Variants in GAB4 observed in about 807,000 individuals in gnomAD.
GAB4 encodes the protein GRB2-associated-binding protein 4.
In GAB4, 26 loss-of-function variants were observed where a neutral mutation model predicts 51.3. That is an observed-to-expected ratio of 0.51 (90% CI 0.37 to 0.70). The LOEUF (loss-of-function observed/expected upper bound fraction) is 0.70. Ranked by LOEUF, GAB4 falls within the 30% of genes least tolerant of loss-of-function variation. The probability of loss-of-function intolerance (pLI) is 0.00; values close to 1 mark genes in which losing one functional copy is unlikely to be tolerated. For synonymous variants in GAB4, 329 were observed against 291.2 expected, an observed-to-expected ratio of 1.13 and a Z score of -1.32; for missense variants, 759 against 734.6, an observed-to-expected ratio of 1.03 and a Z score of -0.38.
chr22:16,991,123 T>C (rs1173744536), intron 2 of GAB4, among the ~76,000 whole-genome samples: 2 of 152,082 alleles, frequency 1.3e-5, no homozygotes, highest in African/African-American at 4.8e-5. Flanking sequence ...TTCAATTTTA[T>C]CCTCCCAAAA....
chr22:16,983,504 G>A (rs1332115106), intron 3 of GAB4, among the ~76,000 whole-genome samples: 1 of 152,024 alleles, frequency 6.6e-6, no homozygotes, highest in Non-Finnish European at 1.5e-5. Flanking sequence ...AAGCAACCCT[G>A]AGCAAAAAAG....
At chr22:16,980,994 T>C (rs1257719384) in intron 3 of GAB4, among the ~76,000 whole-genome samples, 4 of 151,590 alleles carry the variant, frequency 2.6e-5, no homozygotes, top group African/African-American at 9.7e-5. Context: ...ACATCACACA[T>C]CGGGGCCTGT....
In GAB4 at chr22:16,988,068, G is replaced by A. The variant is rs766747027; in HGVS notation, c.578C>T (p.Thr193Ile). Residue 193 changes from threonine to isoleucine, a missense_variant, in exon 3 of 10, where the codon ACA becomes ATA. Transcript: ENST00000400588. ...HQHLPQEQEPTSEPPVSHCVP... is the reference protein window; with the variant it reads ...HQHLPQEQEPISEPPVSHCVP... ...ACAGTGAGACACCGGGGGCTCAGAT[G>A]TGGGTTCTTGTTCTTGGGGGAGGTG... 3.7e-6 allele frequency: 6 copies of A among 1,608,604 alleles called. No individual in the cohort carries two copies. In the South Asian group the frequency reaches 4.4e-5, roughly 12 times the overall value.
In GAB4 at chr22:16,963,778, G is replaced by A. The variant is rs747170368; in HGVS notation, c.1528C>T (p.Pro510Ser). The A allele has an allele frequency of 5.0e-6, 8 of 1,613,970 alleles. No individual in the cohort carries two copies. The highest frequency in any genetic ancestry group is 6.8e-6 in the Non-Finnish European group (8 of 1,179,976). Residue 510 changes from proline to serine, a missense_variant, in exon 9 of 10, where the codon CCG becomes TCG. Physicochemically the swap from Pro to Ser is moderately conservative, Grantham distance 74. Transcript: ENST00000400588. ...VSGGTSSSAP[P>S]RSTGNIHYAA... Reference sequence around the variant, plus strand: ...TAGTGGATGTTACCAGTGCTCCTCGGCGGGGCTGAACTGCTGGTGCCACCG... The same window carrying A: ...TAGTGGATGTTACCAGTGCTCCTCGACGGGGCTGAACTGCTGGTGCCACCG...
chr22:16,963,641 G>GCCCAGTT, intron 9 of GAB4, 84 bp downstream of exon 9: 1 of 918,504 alleles, frequency 1.1e-6, no homozygotes, highest in Non-Finnish European at 1.7e-6. Context: ...GCAGCCCAGT[G>GCCCAGTT]CTGCCGGTGC....
At chr22:16,969,440 C>T (rs1244632349) in intron 4 of GAB4, among the ~76,000 whole-genome samples, 6 of 152,230 alleles carry the variant, frequency 3.9e-5, no homozygotes, top group Non-Finnish European at 8.8e-5. Flanking sequence ...TAACAGCCTC[C>T]AGTGCTGGGG....
At chr22:16,985,615 T>C (rs2060860831) in intron 3 of GAB4, among the ~76,000 whole-genome samples, 1 of 152,248 alleles carries the variant, frequency 6.6e-6, no homozygotes, top group Non-Finnish European at 1.5e-5. Flanking sequence ...CCATCTCCCC[T>C]TGGAATTTGG....
chr22:17,001,151 C>T (rs2060994567), intron 1 of GAB4, among the ~76,000 whole-genome samples: 5 of 152,140 alleles, frequency 3.3e-5, no homozygotes, highest in Admixed American at 2.0e-4. Flanking sequence ...ATCTTTGCAG[C>T]ATTCTCTGTA....
intron 1 of GAB4, among the ~76,000 whole-genome samples, chr22:17,004,066 A>T (rs1422258316): frequency 1.3e-5 from 2 of 152,216 alleles, no homozygotes; most frequent in East Asian, 3.8e-4. Flanking sequence ...TAAACTAGGA[A>T]ATTCATAAGA....
At chr22:16,972,291 G>A (rs968928780) in intron 3 of GAB4, among the ~76,000 whole-genome samples, 10 of 152,196 alleles carry the variant, frequency 6.6e-5, no homozygotes, top group Non-Finnish European at 1.0e-4. Context: ...CCCTGGTGGT[G>A]GTCAAGAGTG....
intron 3 of GAB4, among the ~76,000 whole-genome samples, chr22:16,979,020 T>C (rs2060804814): frequency 1.3e-5 from 2 of 152,286 alleles, no homozygotes; most frequent in South Asian, 4.2e-4. Context: ...TAGGTATTGA[T>C]GGGATGTATC....
intron 2 of GAB4, among the ~76,000 whole-genome samples, chr22:16,990,672 C>T (rs879407830): frequency 2.0e-5 from 3 of 152,202 alleles, no homozygotes; most frequent in Non-Finnish European, 4.4e-5. Context: ...GACCCAGAGT[C>T]CATTTATATG....
In GAB4 at chr22:16,964,821, G is replaced by C. The variant is rs141562718; in HGVS notation, c.1421C>G (p.Thr474Arg). 9.3e-6 allele frequency: 15 copies of C among 1,613,880 alleles called. No homozygotes were observed. Among genetic ancestry groups the C allele is most frequent in the South Asian group, 8.8e-5 (8 of 91,064 alleles). ...TGAGTCTGTGTTGGTGATGCTCTGC[G>C]TGGAGATGGGGTGTTGGGAGGAGCT... ...DSSSSQHPIS[T>R]QSITNTDSED... Residue 474 changes from threonine (T) to arginine (R), a missense_variant, in exon 8 of 10, where the codon ACG becomes AGG. Around this residue, in one of 3 missense-constraint regions of GAB4, gnomAD observed 588 missense variants for 510.2 expected, o/e 1.15. Coordinates refer to ENST00000400588, the MANE Select transcript of GAB4 (RefSeq NM_001037814.1).
chr22:17,004,672 G>A (rs757804223), intron 1 of GAB4, among the ~76,000 whole-genome samples: 15 of 148,622 alleles, frequency 1.0e-4, no homozygotes, highest in Non-Finnish European at 1.9e-4. Flanking sequence ...TTGATGGAAC[G>A]TATCTCAAAA....
rs368401586 is a variant in GAB4 at position 16,962,789 on chromosome 22, G to A, written c.1669C>T (p.His557Tyr). The change falls in exon 10 of 10, where the codon CAT (histidine) becomes TAT (tyrosine). Residue 557 changes from histidine (H) to tyrosine (Y), a missense_variant. This residue lies in a region of GAB4 where 588 missense variants were observed against 510.2 expected (regional missense o/e 1.15). Coordinates refer to ENST00000400588, the MANE Select transcript of GAB4 (RefSeq NM_001037814.1). The part of the protein sequence containing the change: ...EKTQALQKTM[H>Y]EQMCLRQSSE... Reference sequence around the variant, plus strand: ...GACTGCCGCAGGCACATCTGTTCATGCATGGTCTTCTGCAGGGCCTGGGTC... The same window carrying A: ...GACTGCCGCAGGCACATCTGTTCATACATGGTCTTCTGCAGGGCCTGGGTC... 6.2e-7 allele frequency: 1 copy of A among 1,613,696 alleles called. No homozygotes were observed. The highest frequency in any genetic ancestry group is 1.1e-5 in the South Asian group (1 of 91,078).
chr22:16,990,624 G>A (rs867851324), intron 2 of GAB4, among the ~76,000 whole-genome samples: 1 of 152,104 alleles, frequency 6.6e-6, no homozygotes, highest in African/African-American at 2.4e-5. Context: ...CACCTCCACA[G>A]CCCCTGTCTA....
chr22:17,000,384 A>T (rs1262729204), intron 1 of GAB4, among the ~76,000 whole-genome samples: 1 of 151,922 alleles, frequency 6.6e-6, no homozygotes, highest in African/African-American at 2.4e-5. Flanking sequence ...TGATCCCTTT[A>T]CCATTATGTA....
rs545017080 is a variant in GAB4 at position 16,966,670 on chromosome 22, G to C, written c.1024-306C>G. On this transcript the variant is annotated intron_variant, in intron 5 of 9. Transcript: ENST00000400588. The stretch of plus-strand genomic sequence containing the variant: ...GTTCTTACAGGTCCTGGGAGGTTAG[G>C]GAGTAAGAGGAGAGAGGGTGGCAAC... 1.0e-4 allele frequency: 35 copies of C among 335,802 alleles called. No individual in the cohort carries two copies. In the South Asian group the frequency reaches 1.6e-3, roughly 15 times the overall value. The allele number at this position is 335,802 out of a possible 1,614,324, so 20.8% of individuals were successfully genotyped here. A position where few individuals can be genotyped will look rare whatever the true frequency, so the allele number is the denominator to read the frequency against.
chr22:16,969,905 G>A (rs1219800607), intron 4 of GAB4, 38 bp downstream of exon 4: 12 of 1,612,978 alleles, frequency 7.4e-6, no homozygotes, highest in South Asian at 1.1e-5. Flanking sequence ...CAAACTCCTG[G>A]AACAGGGTGC....
Sources: gnomAD v4.1 joint callset for allele counts (sites outside exome capture counted in the v4.1 genomes callset) on GRCh38, gnomAD v4.1.1 for gene constraint, gnomAD v4.1.1 regional missense constraint, MANE v1.5 for transcripts, NCBI Gene and HGNC (gene_info 2026-07-23, HGNC 2026-07-21) for gene names.